The following KIF14 variants were observed in gnomAD, a reference collection of about 807,000 sequenced individuals.
KIF14 encodes the protein kinesin family member 14, also known as kinesin-like protein KIF14.
In KIF14, 98 loss-of-function variants were observed where a neutral mutation model predicts 176.2. The observed-to-expected ratio is 0.56, with a 90% CI of 0.47 to 0.66. The LOEUF (loss-of-function observed/expected upper bound fraction) is 0.66, where lower values mean the gene tolerates loss of function less well. Among genes scored for constraint, KIF14 ranks in the 30% least tolerant of loss-of-function variants. The pLI is 0.00. For synonymous variants in KIF14, 566 were observed against 632.2 expected, an observed-to-expected ratio of 0.90 and a Z score of 1.57; for missense variants, 1,751 against 1,920.4, an observed-to-expected ratio of 0.91 and a Z score of 1.65.
intron 4 of KIF14, among the ~76,000 whole-genome samples, chr1:200,609,836 A>G (rs1331717661): frequency 6.6e-6 from 1 of 152,278 alleles, no homozygotes; most frequent in East Asian, 1.9e-4. Context: ...AACTGGCAAT[A>G]TCTGTACAAT....
Position 200,554,613 on chromosome 1 carries a change from A to C in KIF14, c.4429-7T>G. ...CTTGCCTTCTGAAACTTTTCTGTAT[A>C]AATAAAGTTAATATTTAAAATAATA... On this transcript the variant is annotated splice_region_variant and splice_polypyrimidine_tract_variant and intron_variant, in intron 28 of 29. Coordinates refer to ENST00000367350, the MANE Select transcript of KIF14 (RefSeq NM_014875.3). 1 of 1,372,034 alleles carries C rather than the reference A, an allele frequency of 7.3e-7. No individual in the cohort carries two copies. The highest frequency in any genetic ancestry group is 1.0e-6 in the Non-Finnish European group (1 of 981,962). The allele number at this position is 1,372,034 out of a possible 1,614,324, so 85.0% of individuals were successfully genotyped here.
intron 25 of KIF14, among the ~76,000 whole-genome samples, chr1:200,562,321 TGAAAA>T (rs1220906620): frequency 6.6e-6 from 1 of 152,076 alleles, no homozygotes; most frequent in Non-Finnish European, 1.5e-5. Context: ...TCTCAGAAAA[TGAAAA>T]GAAGGAAAGA....
chr1:200,613,044 C>T (rs145250100), intron 4 of KIF14, among the ~76,000 whole-genome samples: 1,542 of 152,082 alleles, frequency 0.01, 20 homozygotes, highest in African/African-American at 0.034. Context: ...TGTGCCACCA[C>T]ACCTGGCTAA....
intron 19 of KIF14, among the ~76,000 whole-genome samples, chr1:200,582,131 T>C (rs1571505572): frequency 6.6e-6 from 1 of 152,140 alleles, no homozygotes; most frequent in African/African-American, 2.4e-5. Context: ...CCCCATATTT[T>C]GGGAGGCTGA....
At chr1:200,596,481 A>G (rs983988514) in intron 14 of KIF14, among the ~76,000 whole-genome samples, 3 of 152,116 alleles carry the variant, frequency 2.0e-5, no homozygotes, top group South Asian at 2.1e-4. Flanking sequence ...CAGACATTCA[A>G]TAACTTAAAT....
At chr1:200,570,486 C>T (rs1327609296) in intron 22 of KIF14, among the ~76,000 whole-genome samples, 2 of 152,070 alleles carry the variant, frequency 1.3e-5, no homozygotes, top group Admixed American at 6.6e-5. Context: ...GCTTGGGAAG[C>T]AGGGAATAGT....
At chr1:200,614,182 C>G in intron 4 of KIF14, 136 bp downstream of exon 4, 1 of 538,594 alleles carries the variant, frequency 1.9e-6, no homozygotes. Flanking sequence ...CTCCATACCA[C>G]TGTTCCAAAG....
At chr1:200,570,931 C>T (rs1657750399) in intron 22 of KIF14, among the ~76,000 whole-genome samples, 1 of 152,046 alleles carries the variant, frequency 6.6e-6, no homozygotes, top group South Asian at 2.1e-4. Context: ...CTCAAATAGG[C>T]CCCAGTGTCT....
chr1:200,585,210 A>G (rs1272127403), intron 19 of KIF14, among the ~76,000 whole-genome samples: 1 of 151,744 alleles, frequency 6.6e-6, no homozygotes, highest in Non-Finnish European at 1.5e-5. Context: ...TACTTGAAAT[A>G]AGAGAGTATA....
chr1:200,595,743 G>T (rs1479871429), intron 14 of KIF14, among the ~76,000 whole-genome samples: 1 of 151,188 alleles, frequency 6.6e-6, no homozygotes, highest in African/African-American at 2.4e-5. Flanking sequence ...GAGGTCAGGA[G>T]TTCAAGACGA....
At position 200,618,703 on chromosome 1, in the gene KIF14, A is replaced by G; in HGVS notation, c.21T>C (p.His7=). 3.7e-6 allele frequency: 6 copies of G among 1,608,876 alleles called. No individual in the cohort carries two copies. The highest frequency in any genetic ancestry group is 5.1e-6 in the Non-Finnish European group (6 of 1,178,906). ...GAATATCACCGCTGTTATTTCTATTATGAGTACTGTGTAATGACATTTTGG... is the reference window on the plus strand; with the variant it reads ...GAATATCACCGCTGTTATTTCTATTGTGAGTACTGTGTAATGACATTTTGG... MSLHST[H]NRNNSGDILD... The change falls in exon 2 of 30, where the codon CAT becomes CAC. Residue 7 remains histidine, a synonymous_variant. Transcript: ENST00000367350.
At chr1:200,556,570 C>CA (rs1656839973) in intron 27 of KIF14, among the ~76,000 whole-genome samples, 1 of 152,168 alleles carries the variant, frequency 6.6e-6, no homozygotes, top group Non-Finnish European at 1.5e-5. Flanking sequence ...CAATTGTATA[C>CA]AGGATGGGCC....
rs764161920 is a variant in KIF14 at position 200,560,869 on chromosome 1, C to T, written c.4083G>A (p.Leu1361=). The T allele has an allele frequency of 6.2e-7, 1 of 1,613,122 alleles. No individual in the cohort carries two copies. Among genetic ancestry groups the T allele is most frequent in the South Asian group, 1.1e-5 (1 of 91,050 alleles). The part of the protein sequence containing the change: ...YLQLFLQGCC[L]DISSMIKEAQ... ...CCTCTTTTATCATTGATGAAATATCCAAACAGCATCCCTGTAAGATAAAAA... is the reference window on the plus strand; with the variant it reads ...CCTCTTTTATCATTGATGAAATATCTAAACAGCATCCCTGTAAGATAAAAA... The change falls in exon 26 of 30, where the codon TTG becomes TTA. Residue 1361 remains leucine, a synonymous_variant. Coordinates refer to ENST00000367350, the MANE Select transcript of KIF14 (RefSeq NM_014875.3).
rs1659725170 is a variant in KIF14, at chr1:200,603,475, C to T, written c.1864-134G>A. The stretch of plus-strand genomic sequence containing the variant: ...ACTTTCTTTTTTTTTGAGACAGAGT[C>T]TCACTCTGTTGCCCAGGCTGGAGTG... On this transcript the variant is annotated intron_variant, in intron 9 of 29. Coordinates refer to ENST00000367350, the MANE Select transcript of KIF14 (RefSeq NM_014875.3). The T allele has an allele frequency of 6.8e-6, 4 of 587,996 alleles. No homozygotes were observed. The South Asian group carries it at 8.7e-5, about 13-fold the overall frequency. The allele number at this position is 587,996 out of a possible 1,614,324, so 36.4% of individuals were successfully genotyped here.
At chr1:200,573,306 T>C (rs1657912569) in intron 22 of KIF14, among the ~76,000 whole-genome samples, 1 of 152,110 alleles carries the variant, frequency 6.6e-6, no homozygotes, top group Admixed American at 6.6e-5. Context: ...ATGTCACTTG[T>C]ACATGACTAC....
At position 200,614,543 on chromosome 1, in the gene KIF14, A is replaced by G. The variant is rs1660312388; in HGVS notation, c.1368-138T>C. On this transcript the variant is annotated intron_variant, in intron 3 of 29. Transcript: ENST00000367350. ...TTAAGAATCTGGACTCTGGAGTCAA[A>G]TCTGCCTGAGTCCAAATCTTGACTC... 5 of 588,940 alleles carry G rather than the reference A, an allele frequency of 8.5e-6. No homozygotes were observed. In the East Asian group the frequency reaches 1.4e-4, roughly 17 times the overall value. The allele number at this position is 588,940 out of a possible 1,614,324, so 36.5% of individuals were successfully genotyped here.
chr1:200,568,767 C>A (rs1351387964), intron 23 of KIF14, among the ~76,000 whole-genome samples: 1 of 152,152 alleles, frequency 6.6e-6, no homozygotes, highest in African/African-American at 2.4e-5. Flanking sequence ...TGTCCTTAAA[C>A]TTCATATAAA....
chr1:200,583,959 CG>C (rs1388299118), intron 19 of KIF14, among the ~76,000 whole-genome samples: 5 of 151,028 alleles, frequency 3.3e-5, no homozygotes, highest in Non-Finnish European at 5.9e-5. Flanking sequence ...AAAAAATAGT[CG>C]GGCCGGGCCC....
Position 200,620,656 on chromosome 1 carries a change from C to T in KIF14, c.-361G>A, listed in dbSNP as rs1049266784. 1.3e-5 allele frequency: 2 copies of T among 152,286 alleles called. No individual in the cohort carries two copies. Among genetic ancestry groups the T allele is most frequent in the African/African-American group, 4.8e-5 (2 of 41,432 alleles). 9.4% of individuals were successfully genotyped at this position (152,286 alleles called of 1,614,324 possible). A position where few individuals can be genotyped will look rare whatever the true frequency, so the allele number is the denominator to read the frequency against. ...CCTCCCCAGTGCCGAAACTTCGCCCCTCCGCAGGGTCCGGCACCTTGGGGA... is the reference window on the plus strand; with the variant it reads ...CCTCCCCAGTGCCGAAACTTCGCCCTTCCGCAGGGTCCGGCACCTTGGGGA... On this transcript the variant is annotated 5_prime_UTR_variant, in exon 1 of 30. Transcript: ENST00000367350.
Sources: gnomAD v4.1 joint callset for allele counts (sites outside exome capture counted in the v4.1 genomes callset) on GRCh38, gnomAD v4.1.1 for gene constraint, MANE v1.5 for transcripts, NCBI Gene and HGNC (gene_info 2026-07-23, HGNC 2026-07-21) for gene names.